Variants in PLCH2 observed in about 807,000 individuals in gnomAD.
PLCH2 encodes 1-phosphatidylinositol 4,5-bisphosphate phosphodiesterase eta-2.
In PLCH2, 98 loss-of-function variants were observed where a neutral mutation model predicts 134.7. That is an observed-to-expected ratio of 0.73 (90% CI 0.62 to 0.86). PLCH2 has a LOEUF of 0.86. Among genes scored for constraint, PLCH2 ranks in the 40% least tolerant of loss-of-function variants. PLCH2 has a pLI of 0.00. For missense variants in PLCH2, 1,994 were observed against 1,986.6 expected (o/e 1.00, Z -0.07); for synonymous variants, 974 against 827.5 (o/e 1.18, Z -3.04).
chr1:2,479,608 C>G, intron 2 of PLCH2, 126 bp from the exon 3 acceptor site: 1 of 959,624 alleles, frequency 1.0e-6, no homozygotes, highest in Non-Finnish European at 1.5e-6. Flanking sequence ...ACCCTGAGCC[C>G]TGCCGAGGGT....
chr1:2,471,992 G>A (rs1035447188), upstream of PLCH2, among the ~76,000 whole-genome samples: 1 of 152,166 alleles, frequency 6.6e-6, no homozygotes, highest in Non-Finnish European at 1.5e-5. Flanking sequence ...CCCTCCAGGT[G>A]TGCCTAGGGT....
At chr1:2,475,295 G>A (rs1641554209), upstream of PLCH2, among the ~76,000 whole-genome samples, 3 of 152,144 alleles carry the variant, frequency 2.0e-5, no homozygotes, top group South Asian at 2.1e-4. Context: ...GCAGCTGCCC[G>A]GAACCTTCCA....
In PLCH2 at chr1:2,505,260, G is replaced by C. The variant is rs911525842; in HGVS notation, c.*47G>C. On this transcript the variant is annotated 3_prime_UTR_variant, in exon 22 of 22. Coordinates refer to ENST00000378486, the MANE Select transcript of PLCH2 (RefSeq NM_014638.4). The stretch of plus-strand genomic sequence containing the variant: ...GCGGCTCTGGAGGCCCAGGGCAGGG[G>C]TGGGCGTGTTGTTTGCTCAGGAAAC... 4 of 1,438,310 alleles carry C rather than the reference G, an allele frequency of 2.8e-6. No homozygotes were observed. The highest frequency in any genetic ancestry group is 1.4e-5 in the African/African-American group (1 of 70,800). The allele number at this position is 1,438,310 out of a possible 1,614,324, so 89.1% of individuals were successfully genotyped here. A position where few individuals can be genotyped will look rare whatever the true frequency, so the allele number is the denominator to read the frequency against.
At chr1:2,482,466 C>T (rs1642025106) in intron 4 of PLCH2, among the ~76,000 whole-genome samples, 1 of 152,226 alleles carries the variant, frequency 6.6e-6, no homozygotes, top group African/African-American at 2.4e-5. Context: ...GCACCAGGCA[C>T]CCCAGGGCTT....
chr1:2,495,012 C>A (rs889315085), intron 12 of PLCH2, 64 bp downstream of exon 12: 2 of 1,073,584 alleles, frequency 1.9e-6, no homozygotes, highest in African/African-American at 2.1e-5. Context: ...CTCCCAGTGC[C>A]CCGTGTCCTC....
At chr1:2,484,040 A>ACTCCCGTGTGGGTGGCGTTGG (rs1642157638) in intron 4 of PLCH2, among the ~76,000 whole-genome samples, 1 of 121,266 alleles carries the variant, frequency 8.2e-6, no homozygotes, top group Non-Finnish European at 1.8e-5. Flanking sequence ...GGTGGCGCTG[A>ACTCCCGTGTGGGTGGCGTTGG]CTCCCGTGTG....
intron 2 of PLCH2, chr1:2,479,463 A>T: frequency 5.1e-6 from 2 of 389,982 alleles, no homozygotes; most frequent in East Asian, 4.4e-5. Flanking sequence ...TGGGGGCTGC[A>T]GGTGGAGGGA....
upstream of PLCH2, among the ~76,000 whole-genome samples, chr1:2,421,627 A>G (rs1471718633): frequency 1.3e-5 from 2 of 152,138 alleles, no homozygotes; most frequent in Middle Eastern, 3.2e-3. Flanking sequence ...TTTACACCAC[A>G]TGTTTACACC....
chr1:2,485,510 G>A (rs1291697003), intron 5 of PLCH2, among the ~76,000 whole-genome samples: 2 of 151,972 alleles, frequency 1.3e-5, no homozygotes, highest in Admixed American at 6.5e-5. Flanking sequence ...AAGATGCCTC[G>A]GCCTGGGGGT....
At chr1:2,434,976 AG>A (rs34090130) in intron 2 of PLCH2, among the ~76,000 whole-genome samples, 22,725 of 152,100 alleles carry the variant, frequency 0.15, 1,867 homozygotes, top group Admixed American at 0.17. Context: ...CTGGCTTCTC[AG>A]GGGGGATTTG....
At position 2,489,451 on chromosome 1, in the gene PLCH2, C is replaced by T; in HGVS notation, c.1407+73C>T. The T allele has an allele frequency of 2.7e-6, 4 of 1,485,792 alleles. No homozygotes were observed. The South Asian group carries it at 4.7e-5, about 18-fold the overall frequency. 92.0% of individuals were successfully genotyped at this position (1,485,792 alleles called of 1,614,324 possible). A position where few individuals can be genotyped will look rare whatever the true frequency, so the allele number is the denominator to read the frequency against. On this transcript the variant is annotated intron_variant, in intron 9 of 21. Coordinates refer to ENST00000378486, the MANE Select transcript of PLCH2 (RefSeq NM_014638.4). ...GCCTGCAGCAGTGCCCTGCTCCAGA[C>T]AGGCAGGGGCATCATGCCATCCATG...
At chr1:2,449,347 C>G (rs900499380) in intron 2 of PLCH2, among the ~76,000 whole-genome samples, 1 of 152,162 alleles carries the variant, frequency 6.6e-6, no homozygotes, top group African/African-American at 2.4e-5. Context: ...AAAAATTTAT[C>G]TGTGTGTGGT....
At chr1:2,453,203 C>T (rs1240248410) in intron 2 of PLCH2, among the ~76,000 whole-genome samples, 1 of 152,222 alleles carries the variant, frequency 6.6e-6, no homozygotes, top group African/African-American at 2.4e-5. Context: ...AAACGCAAGT[C>T]TGCCCCCCGA....
At chr1:2,497,670 C>A in intron 16 of PLCH2, 61 bp downstream of exon 16, 1 of 1,165,370 alleles carries the variant, frequency 8.6e-7, no homozygotes, top group Non-Finnish European at 1.2e-6. Context: ...TCCTGGGTGT[C>A]CCCAGAACAG....
chr1:2,448,283 G>T lies in PLCH2; in HGVS notation c.115+17654G>T, dbSNP rs1640034797. Among the ~76,000 whole-genome samples, 1 of 152,188 alleles carries T rather than the reference G, an allele frequency of 6.6e-6. No homozygotes were observed. Among genetic ancestry groups the T allele is most frequent in the Non-Finnish European group, 1.5e-5 (1 of 68,026 alleles). ...TCTCTCGCAGTCCTGGAGGCTGGAAGTCTGAGGTCAGGGTGTGGGTGGGGC... is the reference window on the plus strand; with the variant it reads ...TCTCTCGCAGTCCTGGAGGCTGGAATTCTGAGGTCAGGGTGTGGGTGGGGC... On this transcript the variant is annotated intron_variant, in intron 2 of 3. Transcript: ENST00000609981. This position sits in a 1 kb window ranked among gnomAD's most constrained non-coding sequence, Gnocchi z 4.0.
rs1263083391 is a variant in PLCH2 at position 2,502,470 on chromosome 1, T to A, written c.2959+61T>A. 2.7e-6 allele frequency: 4 copies of A among 1,481,104 alleles called. No individual in the cohort carries two copies. The East Asian group carries it at 7.4e-5, about 27-fold the overall frequency. The allele number at this position is 1,481,104 out of a possible 1,614,324, so 91.7% of individuals were successfully genotyped here. On this transcript the variant is annotated intron_variant, in intron 21 of 21. Coordinates refer to ENST00000378486, the MANE Select transcript of PLCH2 (RefSeq NM_014638.4). Reference sequence around the variant, plus strand: ...GTGCGAGTGCGGCCCCCGCGTGTCCTGGACGGCCCCGGGCCTGCTGGGATG... The same window carrying A: ...GTGCGAGTGCGGCCCCCGCGTGTCCAGGACGGCCCCGGGCCTGCTGGGATG...
chr1:2,427,798 A>AGTGGGAGCCCTCCGGGG (rs1178294744), intron 1 of PLCH2, among the ~76,000 whole-genome samples: 19 of 151,916 alleles, frequency 1.3e-4, no homozygotes, highest in Non-Finnish European at 2.5e-4. Flanking sequence ...GCCCTCCAGA[A>AGTGGGAGCCCTCCGGGG]GTGGGAGCCC....
At chr1:2,489,604 G>A (rs1642459386) in intron 9 of PLCH2, among the ~76,000 whole-genome samples, 156 bp from the exon 10 acceptor site, 2 of 152,230 alleles carry the variant, frequency 1.3e-5, no homozygotes, top group Non-Finnish European at 2.9e-5. Flanking sequence ...CAGCCACAGG[G>A]AGCTGGCCAG....
chr1:2,487,499 A>T (rs1353723119), intron 7 of PLCH2, 99 bp from the exon 8 acceptor site: 1 of 1,495,578 alleles, frequency 6.7e-7, no homozygotes, highest in Non-Finnish European at 9.1e-7. Context: ...TGTGTCCCTC[A>T]CTGAGCAATG....
Sources: allele counts gnomAD v4.1 joint callset (sites outside exome capture counted in the v4.1 genomes callset), GRCh38; gene constraint gnomAD v4.1.1; non-coding constraint Gnocchi (gnomAD v3.1); transcripts MANE v1.5; gene names NCBI Gene and HGNC (gene_info 2026-07-23, HGNC 2026-07-21).